The following SOS1 variants were observed in gnomAD, a reference collection of about 807,000 sequenced individuals.
SOS1 encodes SOS Ras/Rac guanine nucleotide exchange factor 1.
Under a neutral mutation model 157.6 loss-of-function variants are expected in SOS1, and 25 were observed. The ratio of observed to expected loss-of-function variants is 0.16; its 90% CI spans 0.12 to 0.22. The LOEUF is 0.22. Ranked by LOEUF, SOS1 falls within the 10% of genes least tolerant of loss-of-function variation. The pLI is 1.00. For missense variants in SOS1, 1,237 were observed against 1,599.1 expected (o/e 0.77, Z 3.86); for synonymous variants, 528 against 534.0 (o/e 0.99, Z 0.16).
At chr2:39,120,295 G>A (rs765886895) in intron 1 of SOS1, 41 bp downstream of exon 1, 2 of 1,528,564 alleles carry the variant, frequency 1.3e-6, no homozygotes, top group Non-Finnish European at 1.8e-6. Flanking sequence ...GCCCGCGCTG[G>A]GGGGCTGCGG....
chr2:39,042,586 G>C (rs1041694319), intron 6 of SOS1, among the ~76,000 whole-genome samples: 5 of 151,698 alleles, frequency 3.3e-5, no homozygotes, highest in African/African-American at 1.2e-4. Flanking sequence ...TGTACTTTTA[G>C]TAGAGATGGG....
rs1668449714 is a variant in SOS1, at chr2:38,983,064, G to GTGTA, written c.*2756_*2759dup. Reference sequence around the variant, plus strand: ...CTCTCAATGTATGTTTCCTGATAATGTGTAGTCTTAAAATACATCAGCCTT... The same window carrying GTGTA: ...CTCTCAATGTATGTTTCCTGATAATGTGTATGTAGTCTTAAAATACATCAGCCTT... On this transcript the variant is annotated 3_prime_UTR_variant, in exon 23 of 23. Coordinates refer to ENST00000402219, the MANE Select transcript of SOS1 (RefSeq NM_005633.4). 1 of 152,112 alleles carries GTGTA rather than the reference G, an allele frequency of 6.6e-6. No homozygotes were observed. 9.4% of individuals were successfully genotyped at this position (152,112 alleles called of 1,614,324 possible). A position where few individuals can be genotyped will look rare whatever the true frequency, so the allele number is the denominator to read the frequency against.
intron 5 of SOS1, among the ~76,000 whole-genome samples, chr2:39,053,565 CTTTA>C (rs1198138559): frequency 6.6e-6 from 1 of 152,088 alleles, no homozygotes; most frequent in Non-Finnish European, 1.5e-5. Flanking sequence ...CCATAATCTC[CTTTA>C]TTTTTTAATT....
chr2:39,026,442 GA>G (rs1313844284), intron 8 of SOS1, among the ~76,000 whole-genome samples: 1 of 151,132 alleles, frequency 6.6e-6, no homozygotes, highest in Non-Finnish European at 1.5e-5. Flanking sequence ...CAAAGGATAA[GA>G]GACTTTAAAA....
At position 39,093,324 on chromosome 2, in the gene SOS1, G is replaced by T. The variant is rs142100804; in HGVS notation, c.88-25571C>A. 7.7e-3 allele frequency among the ~76,000 whole-genome samples: 1,175 copies of T among 152,306 alleles called. 7 individuals are homozygous for T. Among genetic ancestry groups the T allele is most frequent in the Middle Eastern group, 0.014 (4 of 294 alleles). On this transcript the variant is annotated intron_variant, in intron 1 of 22. Transcript: ENST00000402219. ...ACTACAGTAGTAAACAACTTCTAGT[G>T]TTATTGCAATGAGGCACATTTGTGT...
Position 39,120,316 on chromosome 2 carries a change from G to C in SOS1, c.87+20C>G. On this transcript the variant is annotated intron_variant, in intron 1 of 22. Coordinates refer to ENST00000402219, the MANE Select transcript of SOS1 (RefSeq NM_005633.4). Reference sequence around the variant, plus strand: ...GCTGGGGGGCTGCGGCCGGGAAGCGGGGTCCCGCGTGCTCCTCACCTTTTT... The same window carrying C: ...GCTGGGGGGCTGCGGCCGGGAAGCGCGGTCCCGCGTGCTCCTCACCTTTTT... The C allele has an allele frequency of 6.4e-7, 1 of 1,561,092 alleles. No homozygotes were observed.
rs185779928 is a variant in SOS1, at chr2:39,090,012, C to T, written c.88-22259G>A. ...AAAATTAGCCAGGCATGGTGGCACA[C>T]GCTTGTAATCCCAGCTACTTGGGAG... On this transcript the variant is annotated intron_variant, in intron 1 of 22. Coordinates refer to ENST00000402219, the MANE Select transcript of SOS1 (RefSeq NM_005633.4). Among the ~76,000 whole-genome samples the T allele has an allele frequency of 4.4e-4, 66 of 150,802 alleles. 1 individual carries two copies. Among genetic ancestry groups the T allele is most frequent in the African/African-American group, 8.5e-4 (35 of 41,106 alleles).
intron 1 of SOS1, among the ~76,000 whole-genome samples, chr2:39,107,480 CT>C (rs2148217720): frequency 6.6e-6 from 1 of 152,156 alleles, no homozygotes; most frequent in South Asian, 2.1e-4. Flanking sequence ...CCTTACCTCT[CT>C]TTTAACTTGG....
chr2:39,097,174 A>T (rs902554528), intron 1 of SOS1, among the ~76,000 whole-genome samples: 1 of 152,204 alleles, frequency 6.6e-6, no homozygotes, highest in African/African-American at 2.4e-5. Context: ...GTATGGCAAG[A>T]GTTTTAAAAG....
intron 17 of SOS1, among the ~76,000 whole-genome samples, chr2:39,005,253 C>A (rs1439534696): frequency 6.6e-6 from 1 of 152,160 alleles, no homozygotes; most frequent in Non-Finnish European, 1.5e-5. Context: ...CCATGGATAA[C>A]TGAAACCGTG....
chr2:39,089,170 G>A (rs531283373), intron 1 of SOS1, among the ~76,000 whole-genome samples: 1 of 152,208 alleles, frequency 6.6e-6, no homozygotes, highest in South Asian at 2.1e-4. Flanking sequence ...TCAATATTAG[G>A]CAGCCCTCAA....
chr2:38,985,232 C>G lies in SOS1; in HGVS notation c.*592G>C, dbSNP rs1290854033. The stretch of plus-strand genomic sequence containing the variant: ...ACAAAAAAGTACCTCTTTGGTGAAG[C>G]CTCGGTACCCATTCAGTTCACCGTA... On this transcript the variant is annotated 3_prime_UTR_variant, in exon 23 of 23. Coordinates refer to ENST00000402219, the MANE Select transcript of SOS1 (RefSeq NM_005633.4). 1.3e-5 allele frequency: 2 copies of G among 153,426 alleles called. No individual in the cohort carries two copies. The highest frequency in any genetic ancestry group is 2.9e-5 in the Non-Finnish European group (2 of 68,960). The allele number at this position is 153,426 out of a possible 1,614,324, so 9.5% of individuals were successfully genotyped here.
intron 1 of SOS1, among the ~76,000 whole-genome samples, chr2:39,110,601 A>G (rs1389437211): frequency 6.6e-6 from 1 of 152,234 alleles, no homozygotes; most frequent in Non-Finnish European, 1.5e-5. Context: ...TGAAATAACT[A>G]GATATCAGCA....
At chr2:38,991,878 ATAAT>A (rs1668745086) in intron 20 of SOS1, among the ~76,000 whole-genome samples, 1 of 152,224 alleles carries the variant, frequency 6.6e-6, no homozygotes, top group African/African-American at 2.4e-5. Context: ...ACTGGCTGAA[ATAAT>A]TAATTATAGG....
intron 1 of SOS1, among the ~76,000 whole-genome samples, chr2:39,108,948 C>T (rs763715107): frequency 6.6e-6 from 1 of 151,210 alleles, no homozygotes; most frequent in African/African-American, 2.4e-5. Context: ...TATGTAATCC[C>T]GGCACACTGG....
In SOS1 at chr2:39,008,553, A is replaced by G. The variant is rs1669355024; in HGVS notation, c.2511-1360T>C. Among the ~76,000 whole-genome samples, 3 of 152,238 alleles carry G rather than the reference A, an allele frequency of 2.0e-5. 1 individual carries two copies. The East Asian group carries it at 5.8e-4, about 29-fold the overall frequency. On this transcript the variant is annotated intron_variant, in intron 15 of 22. Coordinates refer to ENST00000402219, the MANE Select transcript of SOS1 (RefSeq NM_005633.4). ...CTAATGAAGATACACCCTAGACTGTAGGCAGAGTAGTTTGCAGGAGACAAC... is the reference window on the plus strand; with the variant it reads ...CTAATGAAGATACACCCTAGACTGTGGGCAGAGTAGTTTGCAGGAGACAAC...
chr2:39,113,355 T>G (rs1240306632), intron 1 of SOS1, among the ~76,000 whole-genome samples: 3 of 150,294 alleles, frequency 2.0e-5, no homozygotes, highest in Non-Finnish European at 4.4e-5. Context: ...CATACCTGTC[T>G]TCTTTTTTTT....
intron 8 of SOS1, among the ~76,000 whole-genome samples, chr2:39,032,703 G>C (rs957746284): frequency 6.6e-6 from 1 of 152,144 alleles, no homozygotes; most frequent in Admixed American, 6.5e-5. Flanking sequence ...ACTCACACCT[G>C]AAATCCTAGC....
At chr2:39,040,176 TA>T (rs1360820839) in intron 6 of SOS1, among the ~76,000 whole-genome samples, 2 of 151,516 alleles carry the variant, frequency 1.3e-5, no homozygotes, top group Admixed American at 1.3e-4. Context: ...TACACCCGGC[TA>T]ATTTTTTTTT....
Sources: allele counts gnomAD v4.1 joint callset (sites outside exome capture counted in the v4.1 genomes callset), GRCh38; gene constraint gnomAD v4.1.1; transcripts MANE v1.5; gene names NCBI Gene and HGNC (gene_info 2026-07-23, HGNC 2026-07-21).